Variants in ADARB2 observed in about 807,000 individuals in gnomAD.
The protein encoded by ADARB2 is inactive double-stranded RNA-specific editase B2.
A neutral mutation model predicts 62.2 loss-of-function variants in ADARB2; 25 were observed. The observed-to-expected ratio is 0.40, with a 90% CI of 0.29 to 0.56. The LOEUF is 0.56. ADARB2 is among the 20% of genes least tolerant of loss of function. The pLI is 0.43. For missense variants in ADARB2, 1,071 were observed against 1,077.4 expected, an observed-to-expected ratio of 0.99 and a Z score of 0.08; for synonymous variants, 572 against 500.8, an observed-to-expected ratio of 1.14 and a Z score of -1.90.
chr10:1,487,512 G>T (rs1831559570), intron 1 of ADARB2, among the ~76,000 whole-genome samples: 1 of 152,114 alleles, frequency 6.6e-6, no homozygotes, highest in Non-Finnish European at 1.5e-5. Context: ...ACCTGCTCCC[G>T]GCCCTGGGTT....
intron 1 of ADARB2, among the ~76,000 whole-genome samples, chr10:1,636,928 C>T (rs917717499): frequency 2.7e-5 from 4 of 148,158 alleles, no homozygotes; most frequent in African/African-American, 9.9e-5. Context: ...TATATAATAT[C>T]TCTCTCTATA....
chr10:1,364,762 G>C (rs562789332), intron 2 of ADARB2, among the ~76,000 whole-genome samples: 1 of 152,048 alleles, frequency 6.6e-6, no homozygotes, highest in African/African-American at 2.4e-5. Context: ...CCCAGGTATC[G>C]TGTTATTCAC....
Position 1,233,720 on chromosome 10 carries a change from T to G in ADARB2, c.1487A>C (p.His496Pro). Residue 496 changes from histidine (H) to proline (P), a missense_variant, in exon 6 of 10, where the codon CAC (histidine) becomes CCC (proline). Coordinates refer to ENST00000381312, the MANE Select transcript of ADARB2 (RefSeq NM_018702.4). Reference sequence around the variant, plus strand: ...GTCTGTGGTGATCTCGTAGGGAGAGTGGAGTCTTGCGTCTCCACAGGGGGA... The same window carrying G: ...GTCTGTGGTGATCTCGTAGGGAGAGGGGAGTCTTGCGTCTCCACAGGGGGA... The part of the protein sequence containing the change: ...STSPCGDARL[H>P]SPYEITTDLH... The G allele has an allele frequency of 6.2e-7, 1 of 1,611,018 alleles. No homozygotes were observed. The highest frequency in any genetic ancestry group is 8.5e-7 in the Non-Finnish European group (1 of 1,178,944).
chr10:1,602,553 A>G (rs1320453709), intron 1 of ADARB2, among the ~76,000 whole-genome samples: 1 of 152,202 alleles, frequency 6.6e-6, no homozygotes, highest in African/African-American at 2.4e-5. Context: ...TCCACATTGC[A>G]CAGCCAGGGA....
At chr10:1,259,635 C>A (rs1831114698) in intron 4 of ADARB2, among the ~76,000 whole-genome samples, 2 of 152,160 alleles carry the variant, frequency 1.3e-5, no homozygotes, top group East Asian at 3.8e-4. Context: ...CAATAACAGG[C>A]TGTGAAATTG....
Position 1,491,508 on chromosome 10 carries a change from A to G in ADARB2, c.101-112348T>C, listed in dbSNP as rs141097065. Among the ~76,000 whole-genome samples the G allele has an allele frequency of 1.8e-3, 271 of 152,330 alleles. 2 individuals carry two copies. The highest frequency in any genetic ancestry group is 6.3e-3 in the African/African-American group (260 of 41,572). On this transcript the variant is annotated intron_variant, in intron 1 of 9. Transcript: ENST00000381312. ...AAAAAAGCCCATTCTTTGTTTCACC[A>G]TTTTGTCAGCTCTAGAGTCATCCTG...
At chr10:1,492,814 G>A (rs1342366400) in intron 1 of ADARB2, among the ~76,000 whole-genome samples, 2 of 152,074 alleles carry the variant, frequency 1.3e-5, no homozygotes, top group Non-Finnish European at 2.9e-5. Context: ...GAGGCCAGGA[G>A]GGAGAGCAGG....
intron 6 of ADARB2, among the ~76,000 whole-genome samples, chr10:1,232,921 TGTG>T (rs997683169): frequency 3.7e-4 from 56 of 152,104 alleles, no homozygotes; most frequent in African/African-American, 1.3e-3. Context: ...GTGTGGTATA[TGTG>T]GTGTGTGTGT....
At chr10:1,459,369 T>C in intron 1 of ADARB2, among the ~76,000 whole-genome samples, 1 of 152,228 alleles carries the variant, frequency 6.6e-6, no homozygotes, top group East Asian at 1.9e-4. Flanking sequence ...ATCATGTCCT[T>C]TGCTGGGACA....
At chr10:1,570,063 A>G (rs1330440972) in intron 1 of ADARB2, among the ~76,000 whole-genome samples, 1 of 152,220 alleles carries the variant, frequency 6.6e-6, no homozygotes, top group African/African-American at 2.4e-5. Flanking sequence ...TTTGGCACCG[A>G]GAACAAGATT....
chr10:1,553,664 G>T (rs2131980317), intron 1 of ADARB2, among the ~76,000 whole-genome samples: 1 of 152,260 alleles, frequency 6.6e-6, no homozygotes, highest in Middle Eastern at 3.4e-3. Flanking sequence ...ATTCCCAGAG[G>T]AACCACAGTC....
chr10:1,314,386 G>A (rs1052859870), intron 3 of ADARB2, among the ~76,000 whole-genome samples: 2 of 152,120 alleles, frequency 1.3e-5, no homozygotes, highest in Admixed American at 6.5e-5. Flanking sequence ...CTATAGCTGG[G>A]GGCCCTAAGT....
intron 6 of ADARB2, among the ~76,000 whole-genome samples, chr10:1,225,245 C>CT (rs1259335357): frequency 6.6e-6 from 1 of 152,098 alleles, no homozygotes; most frequent in Non-Finnish European, 1.5e-5. Context: ...CAACCCCTGC[C>CT]TTTTTTTGTT....
intron 1 of ADARB2, among the ~76,000 whole-genome samples, chr10:1,623,698 T>C (rs926242255): frequency 6.6e-6 from 1 of 152,186 alleles, no homozygotes; most frequent in African/African-American, 2.4e-5. Context: ...ATTGAAGACA[T>C]TGGAGACCTC....
chr10:1,228,389 C>G (rs1830766861), intron 6 of ADARB2, among the ~76,000 whole-genome samples: 1 of 152,212 alleles, frequency 6.6e-6, no homozygotes, highest in Non-Finnish European at 1.5e-5. Flanking sequence ...GTACAGAGAT[C>G]CTCATCTTCT....
intron 1 of ADARB2, among the ~76,000 whole-genome samples, chr10:1,658,966 T>G (rs1834209481): frequency 1.3e-5 from 2 of 152,210 alleles, no homozygotes; most frequent in African/African-American, 4.8e-5. Flanking sequence ...CCAGACACTG[T>G]GGTTCTGTTC....
intron 1 of ADARB2, among the ~76,000 whole-genome samples, chr10:1,470,861 C>T (rs1831312610): frequency 6.6e-6 from 1 of 152,158 alleles, no homozygotes. Flanking sequence ...GAGATCGAGA[C>T]CATCCTGGCT....
chr10:1,666,279 A>T (rs1161661121), intron 1 of ADARB2, among the ~76,000 whole-genome samples: 1 of 152,236 alleles, frequency 6.6e-6, no homozygotes, highest in Non-Finnish European at 1.5e-5. Flanking sequence ...TCGGCAGGGC[A>T]CTGAGGGCCA....
intron 1 of ADARB2, among the ~76,000 whole-genome samples, chr10:1,476,427 C>A (rs917163086): frequency 6.6e-6 from 1 of 152,178 alleles, no homozygotes; most frequent in African/African-American, 2.4e-5. Flanking sequence ...CAGTGTCCTG[C>A]GTGGTGACTG....
Sources: gnomAD v4.1 joint callset for allele counts (sites outside exome capture counted in the v4.1 genomes callset) on GRCh38, gnomAD v4.1.1 for gene constraint, MANE v1.5 for transcripts, NCBI Gene and HGNC (gene_info 2026-07-23, HGNC 2026-07-21) for gene names.